The following RAD52 variants were observed in gnomAD, a reference collection of about 807,000 sequenced individuals.
The protein encoded by RAD52 is RAD52 DNA repair protein.
In RAD52, 47 loss-of-function variants were observed where a neutral mutation model predicts 55.5. The observed-to-expected ratio is 0.85, with a 90% CI of 0.67 to 1.08. RAD52 has a LOEUF of 1.08. RAD52 is among the 50% of genes least tolerant of loss of function. The probability of loss-of-function intolerance (pLI) is 0.00; values close to 1 mark genes in which losing one functional copy is unlikely to be tolerated. For synonymous variants in RAD52, 184 were observed against 198.9 expected (o/e 0.92, Z 0.63); for missense variants, 468 against 522.8 (o/e 0.90, Z 1.02).
rs751281477 is a variant in RAD52, at chr12:916,761, C to T, written c.603G>A (p.Glu201=). The T allele has an allele frequency of 2.5e-6, 4 of 1,614,180 alleles. No individual in the cohort carries two copies. Among genetic ancestry groups the T allele is most frequent in the Admixed American group, 1.7e-5 (1 of 60,026 alleles). Residue 201 remains glutamate, a synonymous_variant, in exon 8 of 12, where the codon GAG becomes GAA. Coordinates refer to ENST00000358495, the MANE Select transcript of RAD52 (RefSeq NM_134424.4). The part of the protein sequence containing the change: ...AKRQDLEPSV[E]EARYNSCRPN... ...GTCGGCAGCTGTTGTATCTTGCCTCCTCCACAGACGGTTCAAGATCTTGTC... is the reference window on the plus strand; with the variant it reads ...GTCGGCAGCTGTTGTATCTTGCCTCTTCCACAGACGGTTCAAGATCTTGTC...
chr12:944,758 GC>G (rs1184045665), intron 1 of RAD52, among the ~76,000 whole-genome samples: 5 of 87,178 alleles, frequency 5.7e-5, no homozygotes, highest in African/African-American at 2.2e-4. Flanking sequence ...TCACCTAAAA[GC>G]ATTTTTCTTT....
intron 1 of RAD52, among the ~76,000 whole-genome samples, chr12:941,499 G>A (rs1592421574): frequency 6.6e-6 from 1 of 151,882 alleles, no homozygotes; most frequent in South Asian, 2.1e-4. Flanking sequence ...TGTATTTTTC[G>A]TAGAGACAGG....
At chr12:914,180 C>T in intron 10 of RAD52, 59 bp from the exon 11 acceptor site, 1 of 1,511,596 alleles carries the variant, frequency 6.6e-7, no homozygotes, top group Non-Finnish European at 9.1e-7. Context: ...TCACAGAAAG[C>T]ACTGGAAAAA....
chr12:940,932 C>T (rs967389627), intron 1 of RAD52, among the ~76,000 whole-genome samples: 2 of 151,838 alleles, frequency 1.3e-5, no homozygotes, highest in Non-Finnish European at 2.9e-5. Flanking sequence ...AACTCACATA[C>T]AATTGAAGTG....
At chr12:953,020 A>G (rs1428692716), upstream of RAD52, among the ~76,000 whole-genome samples, 1 of 10,026 alleles carries the variant, frequency 1.0e-4, no homozygotes, top group African/African-American at 4.8e-4. Flanking sequence ...GGAGGGAGGG[A>G]AGGGAGACGC....
chr12:953,909 G>A (rs968420920), upstream of RAD52, among the ~76,000 whole-genome samples: 4 of 152,096 alleles, frequency 2.6e-5, no homozygotes, highest in African/African-American at 9.7e-5. Flanking sequence ...GGAACCGTTG[G>A]GTGACAGACG....
intron 1 of RAD52, among the ~76,000 whole-genome samples, chr12:934,128 A>C (rs1021135916): frequency 6.6e-6 from 1 of 150,836 alleles, no homozygotes; most frequent in Non-Finnish European, 1.5e-5. Flanking sequence ...ACAAAAAAAA[A>C]GGCAGGCACA....
upstream of RAD52, among the ~76,000 whole-genome samples, chr12:953,001 A>AAGGGAGGGGGTGGGGGGAGGGGGGG (rs1425368666): frequency 2.0e-4 from 1 of 4,936 alleles, no homozygotes; most frequent in African/African-American, 1.1e-3. Flanking sequence ...GGAGAGGGGG[A>AAGGGAGGGGGTGGGGGGAGGGGGGG]GGGGAGGGGG....
At chr12:934,233 G>A (rs898816706) in intron 1 of RAD52, among the ~76,000 whole-genome samples, 5 of 151,968 alleles carry the variant, frequency 3.3e-5, no homozygotes, top group African/African-American at 1.2e-4. Context: ...TTGGGAGGCT[G>A]AGGCGGGCGG....
At chr12:926,177 A>C (rs993220165) in intron 6 of RAD52, among the ~76,000 whole-genome samples, 6 of 152,016 alleles carry the variant, frequency 3.9e-5, no homozygotes, top group African/African-American at 1.4e-4. Flanking sequence ...GTTCTCACTC[A>C]GCTCATGAGA....
chr12:938,886 C>T (rs1040619520), intron 1 of RAD52, among the ~76,000 whole-genome samples: 1 of 151,832 alleles, frequency 6.6e-6, no homozygotes, highest in African/African-American at 2.4e-5. Context: ...CTCAGCCTCC[C>T]GAGTAGCTTA....
intron 1 of RAD52, among the ~76,000 whole-genome samples, chr12:982,910 C>T (rs1377690426): frequency 6.6e-6 from 1 of 151,914 alleles, no homozygotes; most frequent in Non-Finnish European, 1.5e-5. Context: ...AGTGCAGTAG[C>T]ATGATCTTGG....
At chr12:918,396 GTTT>G (rs896464875) in intron 7 of RAD52, among the ~76,000 whole-genome samples, 1 of 151,920 alleles carries the variant, frequency 6.6e-6, no homozygotes, top group Admixed American at 6.6e-5. Flanking sequence ...GGCTTTCTTT[GTTT>G]TTTGTTTTGT....
chr12:971,903 C>T (rs1958862585), intron 1 of RAD52, among the ~76,000 whole-genome samples: 1 of 152,176 alleles, frequency 6.6e-6, no homozygotes, highest in African/African-American at 2.4e-5. Flanking sequence ...CACCCGCTGC[C>T]TTGGCTGGCT....
chr12:922,961 G>C (rs1956817553), intron 7 of RAD52, among the ~76,000 whole-genome samples: 2 of 151,992 alleles, frequency 1.3e-5, no homozygotes, highest in Non-Finnish European at 2.9e-5. Flanking sequence ...CTCCAGAAGA[G>C]CTGGGATTAC....
At chr12:939,064 G>GTA (rs1197839592) in intron 1 of RAD52, among the ~76,000 whole-genome samples, 1 of 120,812 alleles carries the variant, frequency 8.3e-6, no homozygotes, top group Non-Finnish European at 1.9e-5. Flanking sequence ...GTGTGTGTGT[G>GTA]TGTGTGTGTG....
In RAD52 at chr12:923,109, C is replaced by T. The variant is rs558354305; in HGVS notation, c.543+2341G>A. ...CTAGGCTCAAGTGATCTAACCACCT[C>T]GGCCTCCCAAAGTGCTAGGATTATA... On this transcript the variant is annotated intron_variant, in intron 7 of 11. Transcript: ENST00000358495. 1.5e-4 allele frequency among the ~76,000 whole-genome samples: 23 copies of T among 152,092 alleles called. No homozygotes were observed. In the East Asian group the frequency reaches 3.5e-3, roughly 23 times the overall value.
intron 1 of RAD52, chr12:975,577 G>A (rs1187922726): frequency 1.3e-5 from 2 of 152,194 alleles, no homozygotes; most frequent in Non-Finnish European, 2.9e-5. Context: ...ACCAGAAGTG[G>A]ATGATATCCA....
intron 8 of RAD52, 39 bp downstream of exon 8, chr12:916,600 A>T (rs1458008991): frequency 6.3e-7 from 1 of 1,599,298 alleles, no homozygotes. Flanking sequence ...GTGACACAGG[A>T]GGGGCCGCAG....
Sources: gnomAD v4.1 joint callset for allele counts (sites outside exome capture counted in the v4.1 genomes callset) on GRCh38, gnomAD v4.1.1 for gene constraint, MANE v1.5 for transcripts, NCBI Gene and HGNC (gene_info 2026-07-23, HGNC 2026-07-21) for gene names.